Variants in ASH1L observed in about 807,000 individuals in gnomAD.
ASH1L encodes histone-lysine N-methyltransferase ASH1L.
In ASH1L, 23 loss-of-function variants were observed where a neutral mutation model predicts 269.0. The ratio of observed to expected loss-of-function variants is 0.09; its 90% CI spans 0.06 to 0.12. ASH1L has a LOEUF of 0.12. Among genes scored for constraint, ASH1L ranks in the 10% least tolerant of loss-of-function variants. The pLI, the probability that ASH1L is intolerant of heterozygous loss-of-function variation, is 1.00. For synonymous variants in ASH1L, 1,187 were observed against 1,253.5 expected (o/e 0.95, Z 1.12); for missense variants, 2,912 against 3,567.8 (o/e 0.82, Z 4.68).
At chr1:155,365,629 T>C (rs960188045) in intron 12 of ASH1L, among the ~76,000 whole-genome samples, 6 of 152,148 alleles carry the variant, frequency 3.9e-5, no homozygotes, top group African/African-American at 9.7e-5. Context: ...GATGATACAA[T>C]TGGAGAAACT....
At position 155,335,632 on chromosome 1, in the gene ASH1L, A is replaced by G. The variant is rs1322844644; in HGVS notation, c.*2028T>C. 1.3e-5 allele frequency: 2 copies of G among 152,734 alleles called. No homozygotes were observed. Among genetic ancestry groups the G allele is most frequent in the African/African-American group, 4.8e-5 (2 of 41,434 alleles). The allele number at this position is 152,734 out of a possible 1,614,324, so 9.5% of individuals were successfully genotyped here. A position where few individuals can be genotyped will look rare whatever the true frequency, so the allele number is the denominator to read the frequency against. On this transcript the variant is annotated 3_prime_UTR_variant, in exon 28 of 28. Transcript: ENST00000392403. Reference sequence around the variant, plus strand: ...ATTTCTACACCAGTAAGAAAAAACAAGTTTTTGCACTTACCTAACATTTGA... The same window carrying G: ...ATTTCTACACCAGTAAGAAAAAACAGGTTTTTGCACTTACCTAACATTTGA...
In ASH1L at chr1:155,337,513, CTTA is replaced by C; in HGVS notation, c.*144_*146del. On this transcript the variant is annotated 3_prime_UTR_variant, in exon 28 of 28. Coordinates refer to ENST00000392403, the MANE Select transcript of ASH1L (RefSeq NM_018489.3). ...CTCTCCCTCTCCACTAGCTCCAAGG[CTTA>C]TTAAGTACCTAATGTCAACAACATG... 4 of 673,834 alleles carry C rather than the reference CTTA, an allele frequency of 5.9e-6. No homozygotes were observed. The highest frequency in any genetic ancestry group is 1.7e-5 in the South Asian group (1 of 58,798). 41.7% of individuals were successfully genotyped at this position (673,834 alleles called of 1,614,324 possible). A position where few individuals can be genotyped will look rare whatever the true frequency, so the allele number is the denominator to read the frequency against.
chr1:155,357,699 C>T lies in ASH1L; in HGVS notation c.6846G>A (p.Lys2282=), dbSNP rs776786993. 2.7e-5 allele frequency: 44 copies of T among 1,614,170 alleles called. No individual in the cohort carries two copies. The highest frequency in any genetic ancestry group is 3.5e-5 in the Non-Finnish European group (41 of 1,180,018). Residue 2282 remains lysine (K), a synonymous_variant, in exon 14 of 28, where the codon AAG becomes AAA. Coordinates refer to ENST00000392403, the MANE Select transcript of ASH1L (RefSeq NM_018489.3). ...TGGTGAGTCCATTCACACGCTGACT[C>T]TTGCCTCCGATGATTCCTCGACATT... The part of the protein sequence containing the change: ...FEKCRGIIGG[K]SQRVNGLTSS...
chr1:155,470,441 AGAGT>A (rs756707332), intron 3 of ASH1L, among the ~76,000 whole-genome samples: 4 of 152,250 alleles, frequency 2.6e-5, no homozygotes, highest in South Asian at 4.1e-4. Context: ...CCTGGCCAAC[AGAGT>A]GAGTCTGTCT....
At chr1:155,349,030 T>C (rs1252262540) in intron 19 of ASH1L, among the ~76,000 whole-genome samples, 1 of 152,016 alleles carries the variant, frequency 6.6e-6, no homozygotes, top group African/African-American at 2.4e-5. Context: ...ATTAGTTAAA[T>C]GTATTAAAAT....
intron 5 of ASH1L, among the ~76,000 whole-genome samples, chr1:155,430,658 T>C (rs1033094175): frequency 2.0e-5 from 3 of 152,220 alleles, no homozygotes; most frequent in African/African-American, 7.2e-5. Context: ...TTTATTAGTT[T>C]TCAAAGAACT....
chr1:155,426,928 G>A (rs182686206), intron 5 of ASH1L, among the ~76,000 whole-genome samples: 131 of 152,176 alleles, frequency 8.6e-4, no homozygotes, highest in African/African-American at 3.0e-3. Flanking sequence ...CTGATCCCCA[G>A]GGATTTCAAC....
chr1:155,381,402 T>C (rs1400970906), intron 7 of ASH1L, among the ~76,000 whole-genome samples: 1 of 150,664 alleles, frequency 6.6e-6, no homozygotes, highest in Non-Finnish European at 1.5e-5. Context: ...TACAAAAAAT[T>C]AGCCGGGTGT....
At chr1:155,416,030 G>C in intron 5 of ASH1L, 107 bp from the exon 6 acceptor site, 2 of 893,524 alleles carry the variant, frequency 2.2e-6, no homozygotes, top group Non-Finnish European at 3.2e-6. Context: ...AAGAGATATG[G>C]GGACTTCCTT....
intron 7 of ASH1L, among the ~76,000 whole-genome samples, chr1:155,382,181 GCAACGACACAGA>G (rs1657030187): frequency 6.7e-6 from 1 of 150,354 alleles, no homozygotes; most frequent in Non-Finnish European, 1.5e-5. Flanking sequence ...ACTCCAGCAG[GCAACGACACAGA>G]CTCTGTCTCA....
chr1:155,541,592 C>A (rs1670433773), intron 1 of ASH1L, among the ~76,000 whole-genome samples: 1 of 152,050 alleles, frequency 6.6e-6, no homozygotes, highest in Non-Finnish European at 1.5e-5. Flanking sequence ...ATTTTTTACT[C>A]AACTATAGAA....
chr1:155,473,188 A>C (rs1295832068), intron 3 of ASH1L, among the ~76,000 whole-genome samples: 2 of 152,220 alleles, frequency 1.3e-5, no homozygotes, highest in Non-Finnish European at 2.9e-5. Context: ...AACTAAATGA[A>C]GAAAGCCATA....
At chr1:155,543,075 A>C (rs766207740) in intron 1 of ASH1L, among the ~76,000 whole-genome samples, 3 of 152,058 alleles carry the variant, frequency 2.0e-5, no homozygotes, top group Admixed American at 6.6e-5. Flanking sequence ...ACTATATATG[A>C]ATTATATCTC....
intron 3 of ASH1L, among the ~76,000 whole-genome samples, chr1:155,463,585 G>A (rs1664459773): frequency 6.6e-6 from 1 of 152,004 alleles, no homozygotes; most frequent in Non-Finnish European, 1.5e-5. Context: ...TTGAGTTCAG[G>A]CGTTCAAGAC....
intron 19 of ASH1L, among the ~76,000 whole-genome samples, chr1:155,348,536 G>A (rs1297631450): frequency 6.6e-6 from 1 of 151,964 alleles, no homozygotes; most frequent in African/African-American, 2.4e-5. Context: ...TCTCCAATGA[G>A]CTTCAGCTAT....
At chr1:155,370,426 A>G in intron 12 of ASH1L, 78 bp downstream of exon 12, 1 of 1,578,564 alleles carries the variant, frequency 6.3e-7, no homozygotes, top group Non-Finnish European at 8.6e-7. Flanking sequence ...GCTGACTGAC[A>G]CTGGAAAGAT....
chr1:155,370,293 A>C, intron 12 of ASH1L: 3 of 597,592 alleles, frequency 5.0e-6, no homozygotes, highest in Non-Finnish European at 8.7e-6. Flanking sequence ...AAAACAAAAA[A>C]ACAGAACACA....
At chr1:155,520,993 A>G in intron 2 of ASH1L, 107 bp downstream of exon 2, 1 of 1,227,568 alleles carries the variant, frequency 8.1e-7, no homozygotes, top group South Asian at 1.5e-5. Context: ...CTATCTGGAA[A>G]TAACATAGAT....
intron 6 of ASH1L, among the ~76,000 whole-genome samples, chr1:155,400,970 G>C (rs1318999476): frequency 6.6e-6 from 1 of 151,738 alleles, no homozygotes; most frequent in Non-Finnish European, 1.5e-5. Flanking sequence ...GACCAGCCTT[G>C]GCCAAGAAGG....
Sources: gnomAD v4.1 joint callset for allele counts (sites outside exome capture counted in the v4.1 genomes callset) on GRCh38, gnomAD v4.1.1 for gene constraint, MANE v1.5 for transcripts, NCBI Gene and HGNC (gene_info 2026-07-23, HGNC 2026-07-21) for gene names.